Variants in MTMR10 observed in about 807,000 individuals in gnomAD.
The protein encoded by MTMR10 is myotubularin-related protein 10.
Under a neutral mutation model 88.1 loss-of-function variants are expected in MTMR10, and 56 were observed. That is an observed-to-expected ratio of 0.64 (90% CI 0.51 to 0.79). The LOEUF is 0.79. Among genes scored for constraint, MTMR10 ranks in the 30% least tolerant of loss-of-function variants. The probability of loss-of-function intolerance (pLI) is 0.00; values close to 1 mark genes in which losing one functional copy is unlikely to be tolerated. For missense variants in MTMR10, 883 were observed against 924.7 expected (o/e 0.95, Z 0.58); for synonymous variants, 380 against 340.9 (o/e 1.11, Z -1.26).
At chr15:30,922,268 C>T in the MTMR10 span, 2 of 1,613,322 alleles carry the variant, frequency 1.2e-6, no homozygotes, top group Non-Finnish European at 1.7e-6. Context: ...CCTTTTGTCT[C>T]AGAGAATTTA....
At chr15:30,966,412 C>T (rs1318484428) in intron 6 of MTMR10, among the ~76,000 whole-genome samples, 1 of 152,188 alleles carries the variant, frequency 6.6e-6, no homozygotes, top group Non-Finnish European at 1.5e-5. Context: ...GAGCCCAAGT[C>T]ACTACATTAC....
At chr15:30,934,904 CAT>C (rs749313593), downstream of MTMR10, among the ~76,000 whole-genome samples, 2 of 152,120 alleles carry the variant, frequency 1.3e-5, no homozygotes, top group Non-Finnish European at 2.9e-5. Context: ...TGTTCTATAA[CAT>C]ATTATTTTTG....
chr15:30,928,752 A>G, the MTMR10 span: 4 of 1,583,694 alleles, frequency 2.5e-6, no homozygotes, highest in East Asian at 9.0e-5. Flanking sequence ...AGCAGAAACC[A>G]TCTCTGTTAC....
chr15:30,981,619 T>C (rs1442560903), intron 2 of MTMR10, among the ~76,000 whole-genome samples: 3 of 152,264 alleles, frequency 2.0e-5, no homozygotes, highest in African/African-American at 7.2e-5. Flanking sequence ...TCTTCTGTTA[T>C]TTGCAACTTT....
the MTMR10 span, among the ~76,000 whole-genome samples, chr15:30,932,076 G>A: frequency 6.6e-6 from 1 of 151,884 alleles, no homozygotes; most frequent in African/African-American, 2.4e-5. Flanking sequence ...CAAAAAATTA[G>A]CCGGGTGTGG....
chr15:30,990,631 C>G (rs752403196), intron 2 of MTMR10, 146 bp downstream of exon 2: 2 of 686,428 alleles, frequency 2.9e-6, no homozygotes, highest in African/African-American at 3.7e-5. Context: ...CTTGACAGTT[C>G]CTTTTTCTCC....
chr15:30,920,611 GTC>G, the MTMR10 span: 1 of 1,612,122 alleles, frequency 6.2e-7, no homozygotes, highest in Non-Finnish European at 8.5e-7. Context: ...CAAGGATTTT[GTC>G]TCGGTTTGTG....
chr15:30,962,408 C>T (rs2063414246), intron 6 of MTMR10, among the ~76,000 whole-genome samples: 1 of 152,212 alleles, frequency 6.6e-6, no homozygotes, highest in Admixed American at 6.5e-5. Context: ...GCATTTAAAC[C>T]AGCCAGCAGC....
the MTMR10 span, chr15:30,929,104 G>A: frequency 3.7e-5 from 35 of 957,644 alleles, no homozygotes; most frequent in East Asian, 2.0e-4. Context: ...AGAATGTATC[G>A]GTTGGCCGGT....
At chr15:30,944,427 A>G (rs2339047) in intron 14 of MTMR10, among the ~76,000 whole-genome samples, 134,256 of 151,262 alleles carry the variant, frequency 0.89, 59,596 homozygotes, top group East Asian at 0.99. Flanking sequence ...TTAGCCAGGC[A>G]TGGTGGTGTG....
chr15:30,952,068 A>C (rs1369001281), intron 11 of MTMR10, 30 bp from the exon 12 acceptor site: 2 of 1,577,146 alleles, frequency 1.3e-6, no homozygotes, highest in Admixed American at 3.4e-5. Flanking sequence ...AGCAGTGTTA[A>C]AAATCAAATT....
At position 30,947,244 on chromosome 15, in the gene MTMR10, A is replaced by G. The variant is rs2063184414; in HGVS notation, c.1434T>C (p.Pro478=). 1 of 1,613,862 alleles carries G rather than the reference A, an allele frequency of 6.2e-7. No individual in the cohort carries two copies. The highest frequency in any genetic ancestry group is 1.3e-5 in the African/African-American group (1 of 74,932). The stretch of plus-strand genomic sequence containing the variant: ...AGGTTTCGGAGAACTCAAAAGCTGC[A>G]GGATATTGTTCTAACAGCTGCCAGG... ...DATWQLLEQY[P]AAFEFSETYL... is the part of the protein sequence containing the mutation. Residue 478 remains proline (P), a synonymous_variant, in exon 14 of 16, where the codon CCT becomes CCC. Coordinates refer to ENST00000435680, the MANE Select transcript of MTMR10 (RefSeq NM_017762.3).
rs754216469 is a variant in MTMR10 at position 30,948,517 on chromosome 15, TGAGA to T, written c.1208-50_1208-47del. ...AAATGATTACAACATAGAAAAATGC[TGAGA>T]GAGAAAGGGAAGGAAAGGTAAACTA... On this transcript the variant is annotated intron_variant, in intron 12 of 15. Coordinates refer to ENST00000435680, the MANE Select transcript of MTMR10 (RefSeq NM_017762.3). 7.8e-6 allele frequency: 12 copies of T among 1,539,340 alleles called. No homozygotes were observed. In the African/African-American group the frequency reaches 1.4e-4, roughly 18 times the overall value.
At chr15:30,989,192 TCCTCGTC>T (rs1471150234) in intron 2 of MTMR10, among the ~76,000 whole-genome samples, 9 of 152,088 alleles carry the variant, frequency 5.9e-5, no homozygotes, top group Admixed American at 5.2e-4. Flanking sequence ...GAGTACTGTT[TCCTCGTC>T]CCTGCATTTT....
the MTMR10 span, among the ~76,000 whole-genome samples, chr15:30,932,964 C>T: frequency 1.3e-5 from 2 of 151,800 alleles, no homozygotes; most frequent in Admixed American, 6.6e-5. Flanking sequence ...TTCAGATCTG[C>T]CCACCTTGGC....
intron 9 of MTMR10, among the ~76,000 whole-genome samples, chr15:30,957,632 A>G (rs1043350139): frequency 2.6e-5 from 4 of 152,114 alleles, no homozygotes; most frequent in Admixed American, 6.5e-5. Context: ...CTGAGGCATG[A>G]TAATCACTTG....
intron 1 of MTMR10, chr15:30,991,181 C>T: frequency 6.3e-6 from 3 of 476,834 alleles, no homozygotes; most frequent in Non-Finnish European, 1.1e-5. Context: ...GCTCCCAAGG[C>T]TCCCCTGGGC....
Position 30,939,726 on chromosome 15 carries a change from A to G in MTMR10, c.*1744T>C, listed in dbSNP as rs1217794876. On this transcript the variant is annotated 3_prime_UTR_variant, in exon 16 of 16. Transcript: ENST00000435680. ...ATCCAAAACATTTAGTAATAATAAA[A>G]AAGCAGCTAAATGAAAAAGGGAGAA... 3 of 981,104 alleles carry G rather than the reference A, an allele frequency of 3.1e-6. No individual in the cohort carries two copies. Among genetic ancestry groups the G allele is most frequent in the Non-Finnish European group, 3.6e-6 (3 of 826,114 alleles). The allele number at this position is 981,104 out of a possible 1,614,324, so 60.8% of individuals were successfully genotyped here.
chr15:30,968,077 C>T lies in MTMR10; in HGVS notation c.475-67G>A. The T allele has an allele frequency of 3.5e-6, 4 of 1,157,572 alleles. No individual in the cohort carries two copies. The South Asian group carries it at 4.2e-5, about 12-fold the overall frequency. The allele number at this position is 1,157,572 out of a possible 1,614,324, so 71.7% of individuals were successfully genotyped here. A position where few individuals can be genotyped will look rare whatever the true frequency, so the allele number is the denominator to read the frequency against. On this transcript the variant is annotated intron_variant, in intron 5 of 15. Coordinates refer to ENST00000435680, the MANE Select transcript of MTMR10 (RefSeq NM_017762.3). ...TAGTTAAATGAAATGTACAATAAGG[C>T]CTTGGGCACTGGGAGCATCATCTTG...
Sources: allele counts gnomAD v4.1 joint callset (sites outside exome capture counted in the v4.1 genomes callset), GRCh38; gene constraint gnomAD v4.1.1; transcripts MANE v1.5; gene names NCBI Gene and HGNC (gene_info 2026-07-23, HGNC 2026-07-21).